LDLRAD4: variants seen among roughly 807,000 people sequenced by gnomAD.
LDLRAD4 encodes the protein low density lipoprotein receptor class A domain containing 4, also known as low-density lipoprotein receptor class A domain-containing protein 4.
Under a neutral mutation model 17.0 loss-of-function variants are expected in LDLRAD4, and 5 were observed. The ratio of observed to expected loss-of-function variants is 0.29; its 90% confidence interval spans 0.15 to 0.62. The LOEUF is 0.62. Among genes scored for constraint, LDLRAD4 ranks in the 20% least tolerant of loss-of-function variants. The pLI is 0.84. For missense variants in LDLRAD4, 340 were observed against 424.7 expected (o/e 0.80, Z 1.75); for synonymous variants, 168 against 171.8 (o/e 0.98, Z 0.17).
intron 3 of LDLRAD4, among the ~76,000 whole-genome samples, chr18:13,573,404 T>A (rs2148365595): frequency 6.7e-6 from 1 of 148,762 alleles, no homozygotes; most frequent in African/African-American, 2.5e-5. Context: ...CACGCCCCAC[T>A]AATTTTTGTA....
intron 3 of LDLRAD4, among the ~76,000 whole-genome samples, chr18:13,538,838 CTGGGAATAAG>C (rs2094236679): frequency 6.6e-6 from 1 of 152,174 alleles, no homozygotes; most frequent in Non-Finnish European, 1.5e-5. Context: ...ATGACTCTTA[CTGGGAATAAG>C]CCTTCCTCAG....
intron 1 of LDLRAD4, among the ~76,000 whole-genome samples, chr18:13,311,560 G>A (rs556364344): frequency 6.6e-6 from 1 of 152,316 alleles, no homozygotes; most frequent in South Asian, 2.1e-4. Context: ...TTTCCAGCTG[G>A]TTGTCGCCAT....
chr18:13,375,558 G>A lies in LDLRAD4; in HGVS notation c.-382-11783G>A, dbSNP rs186880248. On this transcript the variant is annotated intron_variant, in intron 1 of 5. Coordinates refer to ENST00000359446, the Ensembl canonical transcript of LDLRAD4. ...GGCAGGGCCGAAGCTGAGTGAGATG[G>A]GGAGGCTTGGGTTGGTGGTAAGGAC... Among the ~76,000 whole-genome samples, 7 of 152,310 alleles carry A rather than the reference G, an allele frequency of 4.6e-5. No individual in the cohort carries two copies. The East Asian group carries it at 9.7e-4, about 21-fold the overall frequency.
chr18:13,312,798 A>G (rs1158847820), intron 1 of LDLRAD4, among the ~76,000 whole-genome samples: 1 of 152,150 alleles, frequency 6.6e-6, no homozygotes, highest in African/African-American at 2.4e-5. Context: ...GTTAAATATA[A>G]TACTACGCAT....
At chr18:13,448,139 G>T (rs1415435787) in intron 3 of LDLRAD4, among the ~76,000 whole-genome samples, 2 of 152,222 alleles carry the variant, frequency 1.3e-5, no homozygotes, top group Non-Finnish European at 2.9e-5. Context: ...GTACTGCCCA[G>T]AATGCAGAAT....
intron 3 of LDLRAD4, among the ~76,000 whole-genome samples, chr18:13,577,455 G>A (rs1379321610): frequency 6.6e-6 from 1 of 152,158 alleles, no homozygotes; most frequent in African/African-American, 2.4e-5. Context: ...TTACTGTGGT[G>A]ATGTTAGAAA....
chr18:13,321,772 A>G (rs1427852886), intron 1 of LDLRAD4, among the ~76,000 whole-genome samples: 1 of 147,320 alleles, frequency 6.8e-6, no homozygotes, highest in African/African-American at 2.5e-5. Context: ...GAGGCAGGAC[A>G]ATTGCTGGAA....
chr18:13,508,782 G>A (rs1442261252), intron 3 of LDLRAD4, among the ~76,000 whole-genome samples: 1 of 152,194 alleles, frequency 6.6e-6, no homozygotes, highest in African/African-American at 2.4e-5. Context: ...AGAGGTTAAT[G>A]TTATTTTCAT....
chr18:13,548,679 A>G (rs540639017), intron 3 of LDLRAD4, among the ~76,000 whole-genome samples: 11 of 152,332 alleles, frequency 7.2e-5, no homozygotes, highest in South Asian at 4.1e-4. Context: ...GGGTGCAGGG[A>G]TGCCCATGTC....
At chr18:13,296,187 C>T (rs564115637) in intron 1 of LDLRAD4, among the ~76,000 whole-genome samples, 9 of 152,350 alleles carry the variant, frequency 5.9e-5, no homozygotes, top group Non-Finnish European at 1.0e-4. Context: ...AACAGAGTGC[C>T]GTAGATGACT....
At chr18:13,445,221 A>T (rs1462002398) in intron 3 of LDLRAD4, among the ~76,000 whole-genome samples, 6 of 152,186 alleles carry the variant, frequency 3.9e-5, no homozygotes, top group Non-Finnish European at 8.8e-5. Flanking sequence ...CCCTAAAGAC[A>T]TGTAAGTGTG....
chr18:13,379,049 A>AT (rs2085140328), intron 1 of LDLRAD4, among the ~76,000 whole-genome samples: 1 of 152,178 alleles, frequency 6.6e-6, no homozygotes, highest in Non-Finnish European at 1.5e-5. Flanking sequence ...TTCTCATTAG[A>AT]TACACAATGG....
intron 2 of LDLRAD4, among the ~76,000 whole-genome samples, chr18:13,390,620 C>CAG (rs2086197330): frequency 6.6e-6 from 1 of 151,782 alleles, no homozygotes; most frequent in Admixed American, 6.6e-5. Context: ...GAGCAGTGTT[C>CAG]AGAGAGAGGC....
chr18:13,485,453 TC>T (rs1227663566), intron 3 of LDLRAD4, among the ~76,000 whole-genome samples: 1 of 152,212 alleles, frequency 6.6e-6, no homozygotes, highest in African/African-American at 2.4e-5. Flanking sequence ...CTGTCTGCTC[TC>T]CATGTCTGCA....
rs1414590447 is a variant in LDLRAD4 at position 13,621,088 on chromosome 18, T to C, written c.182-29T>C. ...ATGGGTGGGGACTGGAGGGGCCAGG[T>C]GGCTAACCACTCTCCTCTTCCATGG... On this transcript the variant is annotated intron_variant, in intron 3 of 5. Transcript: ENST00000359446. The surrounding 1 kb of genome is among the most constrained non-coding windows in gnomAD (Gnocchi z 5.5). 2 of 1,613,928 alleles carry C rather than the reference T, an allele frequency of 1.2e-6. No individual in the cohort carries two copies. Among genetic ancestry groups the C allele is most frequent in the South Asian group, 2.2e-5 (2 of 91,074 alleles).
chr18:13,544,586 T>G (rs2094332942), intron 3 of LDLRAD4, among the ~76,000 whole-genome samples: 1 of 152,172 alleles, frequency 6.6e-6, no homozygotes, highest in South Asian at 2.1e-4. Context: ...GCATGGTGGA[T>G]GGGAAAGCGG....
Position 13,599,695 on chromosome 18 carries a change from G to A in LDLRAD4, c.182-21422G>A, listed in dbSNP as rs895294422. ...TTTAGTAGAGATGGGGTTTCACCCT[G>A]TTAGCCAGGATGGTCTCGATCTCCT... On this transcript the variant is annotated intron_variant, in intron 3 of 5. Coordinates refer to ENST00000359446, the Ensembl canonical transcript of LDLRAD4. Among the ~76,000 whole-genome samples, 10 of 152,106 alleles carry A rather than the reference G, an allele frequency of 6.6e-5. No homozygotes were observed. The South Asian group carries it at 2.1e-3, about 32-fold the overall frequency.
chr18:13,518,877 A>C (rs2093910840), intron 3 of LDLRAD4, among the ~76,000 whole-genome samples: 1 of 151,674 alleles, frequency 6.6e-6, no homozygotes, highest in Non-Finnish European at 1.5e-5. Context: ...AAGACTAGTC[A>C]TTTTCCTTGC....
intron 1 of LDLRAD4, among the ~76,000 whole-genome samples, chr18:13,358,017 C>T (rs749684282): frequency 4.6e-5 from 7 of 152,110 alleles, no homozygotes; most frequent in African/African-American, 1.4e-4. Flanking sequence ...GTCCTTTTGA[C>T]GTGGCCCTAG....
Sources: gnomAD v4.1 joint callset for allele counts (sites outside exome capture counted in the v4.1 genomes callset) on GRCh38, gnomAD v4.1.1 for gene constraint, Gnocchi (gnomAD v3.1) non-coding constraint, MANE v1.5 for transcripts, NCBI Gene and HGNC (gene_info 2026-07-23, HGNC 2026-07-21) for gene names.